SSBP1: variants seen among roughly 807,000 people sequenced by gnomAD.
SSBP1 encodes single stranded DNA binding protein 1, also known as single-stranded DNA-binding protein, mitochondrial.
SSBP1 carries 20 observed loss-of-function variants against 27.0 expected under a neutral mutation model. The observed-to-expected ratio is 0.74, with a 90% confidence interval of 0.52 to 1.08. The LOEUF (loss-of-function observed/expected upper bound fraction) is 1.08, where lower values mean the gene tolerates loss of function less well. Among genes scored for constraint, SSBP1 ranks in the 50% least tolerant of loss-of-function variants. SSBP1 has a pLI of 0.00. For synonymous variants in SSBP1, 59 were observed against 59.3 expected (o/e 1.00, Z 0.02); for missense variants, 137 against 182.4 (o/e 0.75, Z 1.44).
intron 1 of SSBP1, chr7:141,738,895 G>T: frequency 2.8e-6 from 1 of 361,278 alleles, no homozygotes; most frequent in East Asian, 4.4e-5. Context: ...AAATTTTGTC[G>T]ATGGGTTGGA....
intron 2 of SSBP1, chr7:141,741,941 G>A (rs908308534): frequency 1.8e-6 from 1 of 566,196 alleles, no homozygotes; most frequent in Non-Finnish European, 2.7e-6. Context: ...CTTTGAGCAT[G>A]CCTTCTAGTA....
rs1320252462 is a variant in SSBP1, at chr7:141,742,213, T to G, written c.69T>G (p.Ser23Arg). 6.2e-7 allele frequency: 1 copy of G among 1,605,044 alleles called. No individual in the cohort carries two copies. Among genetic ancestry groups the G allele is most frequent in the East Asian group, 2.2e-5 (1 of 44,736 alleles). The change falls in exon 3 of 7, where the codon AGT becomes AGG. Residue 23 changes from serine (S) to arginine (R), a missense_variant. Ser to Arg is a moderately radical substitution (Grantham distance 110). Coordinates refer to ENST00000265304, the MANE Select transcript of SSBP1 (RefSeq NM_003143.3). The part of the protein sequence containing the change: ...FVRHESETTT[S>R]LVLERSLNRV... Reference sequence around the variant, plus strand: ...GACATGAGTCCGAAACAACTACCAGTTTGGTTCTTGAAAGATGTAAGTAGC... The same window carrying G: ...GACATGAGTCCGAAACAACTACCAGGTTGGTTCTTGAAAGATGTAAGTAGC...
intron 2 of SSBP1, 60 bp downstream of exon 2, chr7:141,739,250 A>T: frequency 1.4e-6 from 2 of 1,430,356 alleles, no homozygotes; most frequent in East Asian, 2.4e-5. Context: ...TGATCAGAAG[A>T]CTTCTTTAGG....
chr7:141,748,395 ATCTT>A (rs927342928), intron 6 of SSBP1, among the ~76,000 whole-genome samples: 4 of 152,142 alleles, frequency 2.6e-5, no homozygotes, highest in Non-Finnish European at 5.9e-5. Context: ...TTTGCCTTTT[ATCTT>A]TCTTCTTTCC....
intron 6 of SSBP1, among the ~76,000 whole-genome samples, chr7:141,748,551 C>G (rs1195629610): frequency 6.6e-6 from 1 of 152,204 alleles, no homozygotes; most frequent in Non-Finnish European, 1.5e-5. Flanking sequence ...TTCCTACCCT[C>G]CTGTGGGTCC....
In SSBP1 at chr7:141,750,403, G is replaced by A. The variant is rs771494788; in HGVS notation, c.*49G>A. The A allele has an allele frequency of 1.4e-6, 2 of 1,455,496 alleles. No homozygotes were observed. Among genetic ancestry groups the A allele is most frequent in the African/African-American group, 1.4e-5 (1 of 69,024 alleles). The allele number at this position is 1,455,496 out of a possible 1,614,324, so 90.2% of individuals were successfully genotyped here. A position where few individuals can be genotyped will look rare whatever the true frequency, so the allele number is the denominator to read the frequency against. ...TCATTTGGTACAGTCTCATTTCCAAGTCATGTATAATCTTTATGGCTTCCA... is the reference window on the plus strand; with the variant it reads ...TCATTTGGTACAGTCTCATTTCCAAATCATGTATAATCTTTATGGCTTCCA... On this transcript the variant is annotated 3_prime_UTR_variant, in exon 7 of 7. Coordinates refer to ENST00000265304, the MANE Select transcript of SSBP1 (RefSeq NM_003143.3).
intron 2 of SSBP1, 60 bp from the exon 3 acceptor site, chr7:141,742,109 C>T (rs1799558426): frequency 3.2e-6 from 4 of 1,257,594 alleles, no homozygotes; most frequent in Non-Finnish European, 4.6e-6. Context: ...AGTAATTCTT[C>T]TGTTTGCATT....
intron 6 of SSBP1, 161 bp downstream of exon 6, chr7:141,745,745 G>A: frequency 7.4e-7 from 1 of 1,359,306 alleles, no homozygotes; most frequent in South Asian, 2.1e-5. Flanking sequence ...CTTGCTAAGA[G>A]TTTGTACATT....
chr7:141,743,474 A>G, intron 3 of SSBP1, 87 bp from the exon 4 acceptor site: 10 of 1,488,358 alleles, frequency 6.7e-6, no homozygotes, highest in Non-Finnish European at 9.2e-6. Flanking sequence ...TGAGGGTTAG[A>G]GCTTCAACAT....
intron 6 of SSBP1, among the ~76,000 whole-genome samples, chr7:141,747,193 GAGAT>G (rs1316046799): frequency 7.2e-5 from 11 of 152,200 alleles, no homozygotes; most frequent in African/African-American, 2.6e-4. Context: ...GTCTTTAAAT[GAGAT>G]AGATGGTGCT....
At chr7:141,742,305 T>C (rs1488767435) in intron 3 of SSBP1, 76 bp downstream of exon 3, 6 of 1,143,346 alleles carry the variant, frequency 5.2e-6, no homozygotes, top group South Asian at 1.3e-5. Flanking sequence ...AGAAGAGGTA[T>C]GCTGCTTGGG....
At chr7:141,741,759 C>G in intron 2 of SSBP1, 1 of 993,748 alleles carries the variant, frequency 1.0e-6, no homozygotes, top group Non-Finnish European at 1.2e-6. Context: ...CTAATGAAAG[C>G]TGGATTTTGA....
intron 6 of SSBP1, among the ~76,000 whole-genome samples, chr7:141,749,496 T>C (rs1158487986): frequency 6.6e-6 from 1 of 152,214 alleles, no homozygotes; most frequent in Non-Finnish European, 1.5e-5. Context: ...ATTAAAATTA[T>C]TCTGGGCCAG....
intron 6 of SSBP1, chr7:141,746,209 C>T (rs902905339): frequency 7.7e-5 from 12 of 155,236 alleles, no homozygotes; most frequent in African/African-American, 2.2e-4. Flanking sequence ...TTCGTAGAGG[C>T]GGGGTTTCAC....
In SSBP1 at chr7:141,743,575, C is replaced by T. The variant is rs148920820; in HGVS notation, c.100C>T (p.His34Tyr). Residue 34 changes from histidine to tyrosine, a missense_variant, in exon 4 of 7, where the codon CAC becomes TAC. Coordinates refer to ENST00000265304, the MANE Select transcript of SSBP1 (RefSeq NM_003143.3). ...LVLERSLNRV[H>Y]LLGRVGQDPV... The stretch of plus-strand genomic sequence containing the variant: ...TTGTGTTTCAGCCCTGAATCGTGTG[C>T]ACTTACTTGGGCGAGTGGGTCAGGA... 4 of 1,614,058 alleles carry T rather than the reference C, an allele frequency of 2.5e-6. No homozygotes were observed. Among genetic ancestry groups the T allele is most frequent in the South Asian group, 1.1e-5 (1 of 91,068 alleles).
intron 1 of SSBP1, chr7:141,738,800 G>C (rs1463410309): frequency 4.9e-6 from 1 of 204,126 alleles, no homozygotes; most frequent in East Asian, 1.1e-4. Context: ...GAATAAAGCA[G>C]ATACAAATCT....
chr7:141,738,895 G>C (rs1799393591), intron 1 of SSBP1: 1 of 361,160 alleles, frequency 2.8e-6, no homozygotes, highest in Non-Finnish European at 5.0e-6. Context: ...AAATTTTGTC[G>C]ATGGGTTGGA....
At chr7:141,743,339 G>A (rs185187576) in intron 3 of SSBP1, among the ~76,000 whole-genome samples, 8 of 152,330 alleles carry the variant, frequency 5.3e-5, no homozygotes, top group South Asian at 4.1e-4. Context: ...CCTTCTCACC[G>A]TGTCTTCATA....
At chr7:141,744,545 G>A (rs1465204213) in intron 5 of SSBP1, among the ~76,000 whole-genome samples, 1 of 152,068 alleles carries the variant, frequency 6.6e-6, no homozygotes, top group Non-Finnish European at 1.5e-5. Context: ...ACTCATAGAA[G>A]GACAAAACGG....
Sources: allele counts gnomAD v4.1 joint callset (sites outside exome capture counted in the v4.1 genomes callset), GRCh38; gene constraint gnomAD v4.1.1; transcripts MANE v1.5; gene names NCBI Gene and HGNC (gene_info 2026-07-23, HGNC 2026-07-21).